The following EXD3 variants were observed in gnomAD, a reference collection of about 807,000 sequenced individuals.
EXD3 encodes exonuclease mut-7 homolog.
EXD3 carries 92 observed loss-of-function variants against 98.0 expected under a neutral mutation model. The ratio of observed to expected loss-of-function variants is 0.94; its 90% confidence interval spans 0.79 to 1.12. The LOEUF is 1.12. Among genes scored for constraint, EXD3 ranks in the 50% most tolerant of loss-of-function variants. The probability of loss-of-function intolerance (pLI) is 0.00; values close to 1 mark genes in which losing one functional copy is unlikely to be tolerated. For synonymous variants in EXD3, 569 were observed against 526.0 expected (o/e 1.08, Z -1.12); for missense variants, 1,222 against 1,191.6 (o/e 1.03, Z -0.38).
At position 137,385,775 on chromosome 9, in the gene EXD3, C is replaced by G. The variant is rs946892401; in HGVS notation, c.56-2398G>C. Among the ~76,000 whole-genome samples the G allele has an allele frequency of 6.6e-6, 1 of 152,070 alleles. No individual in the cohort carries two copies. The highest frequency in any genetic ancestry group is 1.5e-5 in the Non-Finnish European group (1 of 68,014). On this transcript the variant is annotated intron_variant, in intron 2 of 21. Transcript: ENST00000340951. This position sits in a 1 kb window ranked among gnomAD's most constrained non-coding sequence, Gnocchi z 4.4. ...TCTTGAACTCCTGAGCTCAATTGGT[C>G]CGTCCACCTCGGCCTCCCAAAGTGC...
At chr9:137,406,444 C>A (rs1206975279) in intron 1 of EXD3, among the ~76,000 whole-genome samples, 1 of 152,148 alleles carries the variant, frequency 6.6e-6, no homozygotes, top group Non-Finnish European at 1.5e-5. Flanking sequence ...ACACCCCCAT[C>A]GCACAGGGAG....
chr9:137,421,854 TAAAAA>T (rs1838532727), intron 1 of EXD3, among the ~76,000 whole-genome samples: 1 of 152,126 alleles, frequency 6.6e-6, no homozygotes, highest in African/African-American at 2.4e-5. Flanking sequence ...AACAAATAAA[TAAAAA>T]GAAAGAAGAA....
chr9:137,369,125 G>A (rs1189540795), intron 5 of EXD3, among the ~76,000 whole-genome samples: 3 of 147,414 alleles, frequency 2.0e-5, no homozygotes, highest in Admixed American at 1.3e-4. Context: ...TCTCGGAGTC[G>A]TGGGGAGGGG....
intron 9 of EXD3, 48 bp from the exon 10 acceptor site, chr9:137,354,425 T>C (rs1834499725): frequency 6.2e-7 from 1 of 1,611,178 alleles, no homozygotes; most frequent in African/African-American, 1.3e-5. Flanking sequence ...CTCCAGAGGC[T>C]GTATCGGGGC....
At position 137,349,939 on chromosome 9, in the gene EXD3, G is replaced by A. The variant is rs1248637946; in HGVS notation, c.1495-408C>T. ...GCGAAACCACCCCCGGGGGGCTCTA[G>A]TGCTCATGCTAGGGGCGCTCCACGT... On this transcript the variant is annotated intron_variant, in intron 14 of 21. Coordinates refer to ENST00000340951, the MANE Select transcript of EXD3 (RefSeq NM_017820.5). This position sits in a 1 kb window ranked among gnomAD's most constrained non-coding sequence, Gnocchi z 7.4. Among the ~76,000 whole-genome samples, 3 of 151,918 alleles carry A rather than the reference G, an allele frequency of 2.0e-5. No homozygotes were observed. Among genetic ancestry groups the A allele is most frequent in the Non-Finnish European group, 4.4e-5 (3 of 68,004 alleles).
rs987903875 is a variant in EXD3 at position 137,353,516 on chromosome 9, G to T, written c.871-730C>A. 4.9e-5 allele frequency: 48 copies of T among 986,904 alleles called. No homozygotes were observed. The African/African-American group carries it at 8.2e-4, about 17-fold the overall frequency. The allele number at this position is 986,904 out of a possible 1,614,324, so 61.1% of individuals were successfully genotyped here. ...CCCATTCACCCATGGCCCAGGAGCA[G>T]ACAGAGGGGTGCCCTCTGGGTGGCA... is the stretch of plus-strand genomic sequence containing the variant. On this transcript the variant is annotated intron_variant, in intron 10 of 21. Transcript: ENST00000340951.
In EXD3 at chr9:137,349,382, C is replaced by T; in HGVS notation, c.1644G>A (p.Gln548=). ...NWDRRPLCEE[Q]VIYAAADAYC... is the part of the protein sequence containing the mutation. ...CGCACCGCACACCTGCGTAGATGAC[C>T]TGCTCCTCGCAGAGCGGCCTCCGGT... The change falls in exon 15 of 22, where the codon CAG becomes CAA. Residue 548 remains glutamine (Q), a synonymous_variant. Transcript: ENST00000340951. This position sits in a 1 kb window ranked among gnomAD's most constrained non-coding sequence, Gnocchi z 7.4. 1.3e-6 allele frequency: 2 copies of T among 1,589,948 alleles called. No homozygotes were observed. Among genetic ancestry groups the T allele is most frequent in the Non-Finnish European group, 1.7e-6 (2 of 1,173,834 alleles).
At chr9:137,362,320 G>C (rs1362649262) in intron 7 of EXD3, among the ~76,000 whole-genome samples, 1 of 152,170 alleles carries the variant, frequency 6.6e-6, no homozygotes, top group Non-Finnish European at 1.5e-5. Flanking sequence ...ATGGTCAAGT[G>C]CAGTCCATCC....
chr9:137,365,815 CATA>C (rs1245907742), intron 7 of EXD3: 3 of 349,416 alleles, frequency 8.6e-6, no homozygotes, highest in Non-Finnish European at 1.7e-5. Context: ...ATGTACACAT[CATA>C]TGCACGCAGA....
At chr9:137,354,531 A>G (rs1487397695) in intron 9 of EXD3, 154 bp from the exon 10 acceptor site, 8 of 1,535,372 alleles carry the variant, frequency 5.2e-6, no homozygotes, top group East Asian at 2.4e-5. Context: ...CCAGGGCCCC[A>G]TGGCCTCCCC....
Position 137,349,426 on chromosome 9 carries a change from G to A in EXD3, c.1600C>T (p.Gln534Ter). ...CTCCGGTCCCAGTTGGACAGCTGCT[G>A]CGTCTTGTCCAGGGCTGTGCCCAGC... ...QVLGTALDKTQQLSNWDRRPL... is the reference protein window; with the variant it reads ...QVLGTALDKT Residue 534 changes from glutamine to a stop codon, truncating the protein, a stop_gained, in exon 15 of 22, where the codon CAG becomes TAG. Transcript: ENST00000340951. LOFTEE classifies it high-confidence loss of function. This position sits in a 1 kb window ranked among gnomAD's most constrained non-coding sequence, Gnocchi z 7.4. 2 of 1,600,510 alleles carry A rather than the reference G, an allele frequency of 1.2e-6. No homozygotes were observed. Among genetic ancestry groups the A allele is most frequent in the Non-Finnish European group, 8.5e-7 (1 of 1,177,406 alleles).
chr9:137,322,571 C>T (rs1466953154), intron 19 of EXD3, among the ~76,000 whole-genome samples: 21 of 87,186 alleles, frequency 2.4e-4, no homozygotes, highest in African/African-American at 9.3e-4. Context: ...GATGCTCTGC[C>T]GACACCTCAC....
In EXD3 at chr9:137,351,451, C is replaced by T. The variant is rs1424779298; in HGVS notation, c.1251G>A (p.Leu417=). 6.2e-7 allele frequency: 1 copy of T among 1,604,218 alleles called. No homozygotes were observed. The highest frequency in any genetic ancestry group is 1.7e-5 in the Admixed American group (1 of 58,212). The change falls in exon 13 of 22, where the codon CTG becomes CTA. Residue 417 remains leucine (L), a synonymous_variant. Coordinates refer to ENST00000340951, the MANE Select transcript of EXD3 (RefSeq NM_017820.5). ...VAGGRPRPSL[L]QVAVEGHVFL... is the part of the protein sequence containing the mutation. ...ACACGTGGCCCTCCACGGCCACCTG[C>T]AGGAGTGACGGCCGAGGCCGGCCCC...
Position 137,393,234 on chromosome 9 carries a change from G to GC in EXD3, c.55+2068dup. On this transcript the variant is annotated intron_variant, in intron 2 of 21. Transcript: ENST00000340951. This position sits in a 1 kb window ranked among gnomAD's most constrained non-coding sequence, Gnocchi z 4.6. ...GAAGAGGCTGTAGAAGCCTGTGGGT[G>GC]CCTGTGCAGGGAGAGTCAGCTCTGT... is the stretch of plus-strand genomic sequence containing the variant. The GC allele has an allele frequency of 1.4e-6, 1 of 702,644 alleles. No individual in the cohort carries two copies. Among genetic ancestry groups the GC allele is most frequent in the Non-Finnish European group, 2.6e-6 (1 of 384,888 alleles). 43.5% of individuals were successfully genotyped at this position (702,644 alleles called of 1,614,324 possible).
intron 17 of EXD3, among the ~76,000 whole-genome samples, chr9:137,332,563 G>A (rs570141962): frequency 3.3e-5 from 5 of 151,412 alleles, no homozygotes; most frequent in South Asian, 4.2e-4. Flanking sequence ...CATGGTATTG[G>A]CCAGGCGCAG....
intron 17 of EXD3, among the ~76,000 whole-genome samples, chr9:137,342,577 T>C (rs547827573): frequency 1.3e-5 from 2 of 152,294 alleles, no homozygotes; most frequent in South Asian, 2.1e-4. Flanking sequence ...GCCTGGCATA[T>C]ACCAAAATTC....
At chr9:137,319,660 G>T (rs1246171741) in intron 19 of EXD3, among the ~76,000 whole-genome samples, 1 of 152,212 alleles carries the variant, frequency 6.6e-6, no homozygotes. Context: ...AAGGAGGCGG[G>T]TGCGCACATG....
chr9:137,380,814 G>A (rs541665508), intron 3 of EXD3, among the ~76,000 whole-genome samples: 17 of 149,302 alleles, frequency 1.1e-4, no homozygotes, highest in Admixed American at 1.1e-3. Flanking sequence ...GCCCCCCCGA[G>A]GGGCTGTTAG....
At chr9:137,376,550 T>C (rs1180827580) in intron 3 of EXD3, among the ~76,000 whole-genome samples, 3 of 151,966 alleles carry the variant, frequency 2.0e-5, no homozygotes, top group East Asian at 1.9e-4. Context: ...ACAGCCTCTT[T>C]CTGCCCATGG....
Sources: gnomAD v4.1 joint callset for allele counts (sites outside exome capture counted in the v4.1 genomes callset) on GRCh38, gnomAD v4.1.1 for gene constraint, Gnocchi (gnomAD v3.1) non-coding constraint, MANE v1.5 for transcripts, NCBI Gene and HGNC (gene_info 2026-07-23, HGNC 2026-07-21) for gene names.